FOXP2: variants seen among roughly 807,000 people sequenced by gnomAD.
FOXP2 encodes forkhead box protein P2.
Under a neutral mutation model 115.8 loss-of-function variants are expected in FOXP2, and 12 were observed. The observed-to-expected ratio is 0.10, with a 90% CI of 0.07 to 0.17. FOXP2 has a LOEUF of 0.17. FOXP2 is among the 10% of genes least tolerant of loss of function. The pLI is 1.00. For synonymous variants in FOXP2, 328 were observed against 297.7 expected, an observed-to-expected ratio of 1.10 and a Z score of -1.05; for missense variants, 629 against 843.5, an observed-to-expected ratio of 0.75 and a Z score of 3.15.
chr7:114,680,405 T>G (rs1388465128), intron 16 of FOXP2, among the ~76,000 whole-genome samples: 1 of 152,194 alleles, frequency 6.6e-6, no homozygotes, highest in Non-Finnish European at 1.5e-5. Flanking sequence ...CCAAAGTTGA[T>G]GTTACTTCAG....
intron 3 of FOXP2, among the ~76,000 whole-genome samples, chr7:114,608,626 A>G (rs1803461125): frequency 6.6e-6 from 1 of 152,190 alleles, no homozygotes; most frequent in Non-Finnish European, 1.5e-5. Context: ...CAGGGAGAGT[A>G]TTATATAAAG....
At chr7:114,562,923 G>T (rs1428105759) in intron 3 of FOXP2, among the ~76,000 whole-genome samples, 2 of 152,050 alleles carry the variant, frequency 1.3e-5, no homozygotes, top group African/African-American at 4.8e-5. Flanking sequence ...CTGAGACTGG[G>T]TAACTTACAA....
At chr7:114,411,687 G>T (rs1793165345), upstream of FOXP2, among the ~76,000 whole-genome samples, 1 of 152,046 alleles carries the variant, frequency 6.6e-6, no homozygotes. Flanking sequence ...AGTTTGTTCT[G>T]CTGCTTTCAA....
At chr7:114,185,819 T>A (rs1408257917) in intron 1 of FOXP2, among the ~76,000 whole-genome samples, 1 of 152,192 alleles carries the variant, frequency 6.6e-6, no homozygotes, top group Non-Finnish European at 1.5e-5. Flanking sequence ...CGTTTAAAAA[T>A]ATTTTTCTAA....
At chr7:114,288,114 G>A (rs1034591716) in intron 2 of FOXP2, 16 of 452,710 alleles carry the variant, frequency 3.5e-5, no homozygotes, top group African/African-American at 3.0e-4. Flanking sequence ...AAACAGGTAA[G>A]TGTCCTTTTG....
intron 2 of FOXP2, among the ~76,000 whole-genome samples, chr7:114,331,442 T>C (rs1345503567): frequency 1.3e-5 from 2 of 152,170 alleles, no homozygotes; most frequent in African/African-American, 4.8e-5. Flanking sequence ...TTAGCAATAA[T>C]AGCTAAGATT....
At chr7:114,560,935 A>C (rs996026985) in intron 3 of FOXP2, 6 of 152,232 alleles carry the variant, frequency 3.9e-5, no homozygotes, top group Non-Finnish European at 8.8e-5. Flanking sequence ...TACAAAATAC[A>C]AGGCAAAGCT....
At chr7:114,098,334 C>G (rs961674933) in intron 1 of FOXP2, among the ~76,000 whole-genome samples, 8 of 152,092 alleles carry the variant, frequency 5.3e-5, no homozygotes, top group African/African-American at 1.4e-4. Flanking sequence ...AATTATATTA[C>G]AAAGCTGTGG....
At chr7:114,478,270 G>A (rs1326302750) in intron 2 of FOXP2, among the ~76,000 whole-genome samples, 1 of 151,718 alleles carries the variant, frequency 6.6e-6, no homozygotes, top group Non-Finnish European at 1.5e-5. Flanking sequence ...ATGTTTTGGG[G>A]CCTCTTGGAT....
intron 3 of FOXP2, among the ~76,000 whole-genome samples, chr7:114,590,727 G>A (rs1373337650): frequency 6.6e-6 from 1 of 152,004 alleles, no homozygotes; most frequent in Admixed American, 6.6e-5. Context: ...ATTTGAGTTG[G>A]GCAGCGGGGA....
At position 114,691,710 on chromosome 7, in the gene FOXP2, G is replaced by GCCACC. The variant is rs1233461230; in HGVS notation, c.*1784_*1785insCCACC. ...GATTATGGTTATTGCTTTACAAACA[G>GCCACC]TTTTGACAGAAGGTGGCTGCTAGAG... On this transcript the variant is annotated 3_prime_UTR_variant, in exon 17 of 17. Transcript: ENST00000350908. 11 of 454,106 alleles carry GCCACC rather than the reference G, an allele frequency of 2.4e-5. 1 individual carries two copies. Among genetic ancestry groups the GCCACC allele is most frequent in the Admixed American group, 2.4e-4 (10 of 42,516 alleles). The allele number at this position is 454,106 out of a possible 1,614,324, so 28.1% of individuals were successfully genotyped here.
chr7:114,655,912 G>T (rs920160272), intron 10 of FOXP2, among the ~76,000 whole-genome samples: 1 of 152,098 alleles, frequency 6.6e-6, no homozygotes, highest in African/African-American at 2.4e-5. Context: ...AGTTATCAAG[G>T]CTGCGAGTCC....
intron 16 of FOXP2, among the ~76,000 whole-genome samples, chr7:114,681,643 T>C (rs1231872353): frequency 6.6e-6 from 1 of 152,196 alleles, no homozygotes; most frequent in Non-Finnish European, 1.5e-5. Flanking sequence ...GATCTGAAAG[T>C]GATCTGAGAC....
intron 16 of FOXP2, chr7:114,665,446 G>A (rs149053412): frequency 6.6e-6 from 1 of 151,850 alleles, no homozygotes; most frequent in Non-Finnish European, 1.5e-5. Flanking sequence ...TCTAGTAAAA[G>A]GTCTGAAAGA....
intron 10 of FOXP2, among the ~76,000 whole-genome samples, chr7:114,657,450 C>A (rs1473275812): frequency 6.6e-6 from 1 of 152,166 alleles, no homozygotes; most frequent in Non-Finnish European, 1.5e-5. Flanking sequence ...ATTTCCCTCT[C>A]TCCATCTCCA....
chr7:114,125,181 G>A lies in FOXP2; in HGVS notation c.-247+37343G>A, dbSNP rs150702837. On this transcript the variant is annotated intron_variant, in intron 1 of 19. Transcript: ENST00000635638. ...TTAACCACCTGTCACATCATCTTAT[G>A]ATCATCTTATGTCTAGCACTAGATG... Among the ~76,000 whole-genome samples the A allele has an allele frequency of 5.1e-3, 781 of 152,100 alleles. 8 individuals are homozygous for A. Among genetic ancestry groups the A allele is most frequent in the African/African-American group, 0.018 (727 of 41,500 alleles).
chr7:114,441,751 GA>G (rs1238073474), intron 2 of FOXP2, among the ~76,000 whole-genome samples: 5 of 152,058 alleles, frequency 3.3e-5, no homozygotes, highest in African/African-American at 1.2e-4. Flanking sequence ...GCATGTAAAT[GA>G]AAAACTGTTC....
rs549774193 is a variant in FOXP2, at chr7:114,679,261, G to A, written c.2004-10521G>A. On this transcript the variant is annotated intron_variant, in intron 16 of 16. Coordinates refer to ENST00000350908, the MANE Select transcript of FOXP2 (RefSeq NM_014491.4). ...ATTACAGGCGTGAACCACCATGCCC[G>A]GCCTACATTGTAAATTTAAAAGTAG... Among the ~76,000 whole-genome samples the A allele has an allele frequency of 1.3e-4, 20 of 152,188 alleles. No individual in the cohort carries two copies. In the South Asian group the frequency reaches 3.7e-3, roughly 28 times the overall value.
At chr7:114,431,450 A>G (rs994840809) in intron 2 of FOXP2, among the ~76,000 whole-genome samples, 3 of 152,100 alleles carry the variant, frequency 2.0e-5, no homozygotes. Flanking sequence ...AGCACAGAAG[A>G]AAGTCTAAGT....
Sources: gnomAD v4.1 joint callset for allele counts (sites outside exome capture counted in the v4.1 genomes callset) on GRCh38, gnomAD v4.1.1 for gene constraint, MANE v1.5 for transcripts, NCBI Gene and HGNC (gene_info 2026-07-23, HGNC 2026-07-21) for gene names.